Variants in TLE2 observed in about 807,000 individuals in gnomAD.
TLE2 encodes TLE family member 2, transcriptional corepressor.
In TLE2, 74 loss-of-function variants were observed where a neutral mutation model predicts 97.2. The ratio of observed to expected loss-of-function variants is 0.76; its 90% CI spans 0.63 to 0.92. The LOEUF is 0.92. Ranked by LOEUF, TLE2 falls within the 40% of genes least tolerant of loss-of-function variation. TLE2 has a pLI of 0.00. For synonymous variants in TLE2, 499 were observed against 432.1 expected, an observed-to-expected ratio of 1.15 and a Z score of -1.92; for missense variants, 1,038 against 1,008.7, an observed-to-expected ratio of 1.03 and a Z score of -0.39.
At chr19:3,021,371 T>C (rs2089840599) in intron 5 of TLE2, among the ~76,000 whole-genome samples, 1 of 151,254 alleles carries the variant, frequency 6.6e-6, no homozygotes, top group South Asian at 2.1e-4. Flanking sequence ...TGCCATGCAC[T>C]CCCGCCTGGG....
At position 3,000,681 on chromosome 19, in the gene TLE2, G is replaced by A. The variant is rs1295389792; in HGVS notation, c.2090C>T (p.Ala697Val). 6.3e-7 allele frequency: 1 copy of A among 1,594,596 alleles called. No individual in the cohort carries two copies. The highest frequency in any genetic ancestry group is 1.8e-5 in the Admixed American group (1 of 57,040). Residue 697 changes from alanine (A) to valine (V), a missense_variant, in exon 19 of 20, where the codon GCC (alanine) becomes GTC (valine). By Grantham distance (64) the Ala-to-Val change is moderately conservative (BLOSUM62 0). Coordinates refer to ENST00000262953, the MANE Select transcript of TLE2 (RefSeq NM_003260.5). ...GCTGGCCCCGTACGGCGTCCTCCAG[G>A]CGTTGAGCAGGTTGTCCTTCCCGGT... is the stretch of plus-strand genomic sequence containing the variant. The part of the protein sequence containing the change: ...VSTGKDNLLN[A>V]WRTPYGASIF...
chr19:2,998,060 G>A (rs536579627), intron 19 of TLE2, 105 bp from the exon 20 acceptor site: 118 of 723,448 alleles, frequency 1.6e-4, no homozygotes, highest in African/African-American at 1.2e-3. Context: ...GTCAGGACTC[G>A]CCTACAGAGT....
At position 3,019,300 on chromosome 19, in the gene TLE2, T is replaced by A; in HGVS notation, c.533A>T (p.Glu178Val). The A allele has an allele frequency of 6.3e-7, 1 of 1,577,454 alleles. No homozygotes were observed. Among genetic ancestry groups the A allele is most frequent in the Non-Finnish European group, 8.5e-7 (1 of 1,170,108 alleles). Residue 178 changes from glutamate (E) to valine (V), a missense_variant, in exon 7 of 20, where the codon GAG becomes GTG. By Grantham distance (121) the Glu-to-Val change is moderately radical. Coordinates refer to ENST00000262953, the MANE Select transcript of TLE2 (RefSeq NM_003260.5). This position sits in a 1 kb window ranked among gnomAD's most constrained non-coding sequence, Gnocchi z 5.1. ...AAVKEDRAGVEAEGSRVERAP... is the reference protein window; with the variant it reads ...AAVKEDRAGVVAEGSRVERAP... ...CCACTCACCTCTGGACCCCTCGGCC[T>A]CCACGCCCGCACGGTCCTCCTTGAC...
At chr19:3,017,109 T>A (rs927069960) in intron 8 of TLE2, among the ~76,000 whole-genome samples, 3 of 151,854 alleles carry the variant, frequency 2.0e-5, no homozygotes, top group Middle Eastern at 3.4e-3. Flanking sequence ...GAAACCGGGC[T>A]ATGGATCTTG....
intron 5 of TLE2, among the ~76,000 whole-genome samples, chr19:3,021,032 T>C (rs989944492): frequency 7.5e-6 from 1 of 133,462 alleles, no homozygotes; most frequent in Non-Finnish European, 1.5e-5. Flanking sequence ...CAGGTTGCAG[T>C]GAGCCAAGAT....
In TLE2 at chr19:3,028,611, C is replaced by A; in HGVS notation, c.122+95G>T. The A allele has an allele frequency of 4.2e-6, 6 of 1,437,818 alleles. No individual in the cohort carries two copies. The South Asian group carries it at 6.9e-5, about 17-fold the overall frequency. The allele number at this position is 1,437,818 out of a possible 1,614,324, so 89.1% of individuals were successfully genotyped here. Reference sequence around the variant, plus strand: ...GGCCTTTGTCGCGCCCCCCCTCCAACCGGGAGCCCCTCCTCCCCGCCCTAT... The same window carrying A: ...GGCCTTTGTCGCGCCCCCCCTCCAAACGGGAGCCCCTCCTCCCCGCCCTAT... On this transcript the variant is annotated intron_variant, in intron 2 of 19. Transcript: ENST00000262953.
Position 3,013,747 on chromosome 19 carries a change from A to C in TLE2, c.795T>G (p.Arg265=), listed in dbSNP as rs766252607. The change falls in exon 11 of 20, where the codon CGT becomes CGG. Residue 265 remains arginine, a synonymous_variant. Coordinates refer to ENST00000262953, the MANE Select transcript of TLE2 (RefSeq NM_003260.5). ...AGGCTGGACTGTCCACCAGGTCCCG[A>C]CGGGCAGGAATGCAGATGGGTACCT... ...CGKVPICIPA[R]RDLVDSPASL... 6.4e-7 allele frequency: 1 copy of C among 1,562,556 alleles called. No individual in the cohort carries two copies. Among genetic ancestry groups the C allele is most frequent in the East Asian group, 2.5e-5 (1 of 39,312 alleles).
At chr19:3,015,933 T>G in intron 8 of TLE2, 173 bp from the exon 9 acceptor site, 2 of 694,244 alleles carry the variant, frequency 2.9e-6, no homozygotes, top group Non-Finnish European at 5.3e-6. Context: ...GGTTTTGTTC[T>G]CTCTTCTGTT....
chr19:3,029,562 G>GAGGT (rs941304896), upstream of TLE2: 37 of 816,150 alleles, frequency 4.5e-5, 2 homozygotes, highest in South Asian at 4.5e-4. Flanking sequence ...TGGGAGCGGG[G>GAGGT]GGGGGGGCTT....
chr19:2,999,391 C>T (rs2089299705), intron 19 of TLE2, among the ~76,000 whole-genome samples: 1 of 152,034 alleles, frequency 6.6e-6, no homozygotes, highest in Admixed American at 6.6e-5. Context: ...GGTGAGGATG[C>T]AGAGAATTTT....
upstream of TLE2, among the ~76,000 whole-genome samples, chr19:3,033,950 ACACCGCCTCTCCCTCCAGG>A (rs1290230930): frequency 6.6e-6 from 1 of 151,526 alleles, no homozygotes; most frequent in East Asian, 1.9e-4. Flanking sequence ...GGGCTCTGAG[ACACCGCCTCTCCCTCCAGG>A]CTTCAGTGAC....
At chr19:3,020,020 C>T (rs1292745531) in intron 5 of TLE2, 5 of 540,188 alleles carry the variant, frequency 9.3e-6, no homozygotes, top group Non-Finnish European at 1.6e-5. Flanking sequence ...TGGTGGCTCA[C>T]GCCTGGAATC....
intron 1 of TLE2, among the ~76,000 whole-genome samples, chr19:3,034,536 C>G (rs1688118): frequency 0.079 from 11,986 of 151,378 alleles, 556 homozygotes; most frequent in Middle Eastern, 0.13. Flanking sequence ...CCTTTCCCTG[C>G]TTGTTATCTC....
At chr19:3,008,455 C>CT (rs34168841) in intron 14 of TLE2, among the ~76,000 whole-genome samples, 19,827 of 143,372 alleles carry the variant, frequency 0.14, 1,564 homozygotes, top group African/African-American at 0.21. Context: ...TTTCTTTTTT[C>CT]TTTTTTTTTT....
intron 4 of TLE2, 100 bp downstream of exon 4, chr19:3,027,729 C>T: frequency 1.7e-6 from 2 of 1,202,020 alleles, no homozygotes; most frequent in Middle Eastern, 2.0e-4. Flanking sequence ...ACCCGTGTTC[C>T]CTAGGTCTGC....
chr19:3,005,612 T>A lies in TLE2; in HGVS notation c.1749-28A>T, dbSNP rs1400955999. 2.5e-6 allele frequency: 4 copies of A among 1,611,886 alleles called. No individual in the cohort carries two copies. In the African/African-American group the frequency reaches 5.3e-5, roughly 22 times the overall value. ...GGAGGGAGAAGGGCCCAGGCGTCCATCCTGGAATTCGAGCTGCCCCAGCAT... is the reference window on the plus strand; with the variant it reads ...GGAGGGAGAAGGGCCCAGGCGTCCAACCTGGAATTCGAGCTGCCCCAGCAT... On this transcript the variant is annotated intron_variant, in intron 16 of 19. Transcript: ENST00000262953.
upstream of TLE2, among the ~76,000 whole-genome samples, chr19:3,030,357 C>T (rs1266489819): frequency 6.6e-6 from 1 of 152,208 alleles, no homozygotes; most frequent in Non-Finnish European, 1.5e-5. Context: ...CAGCCAGCAT[C>T]CTTCAGGCCC....
chr19:3,000,354 C>T (rs2089328325), intron 19 of TLE2, among the ~76,000 whole-genome samples: 1 of 152,116 alleles, frequency 6.6e-6, no homozygotes, highest in East Asian at 2.0e-4. Context: ...GGATTACAGG[C>T]ATGAGCGACC....
chr19:3,000,689 C>T lies in TLE2; in HGVS notation c.2082G>A (p.Leu694=). ...RWFVSTGKDN[L]LNAWRTPYGA... is the part of the protein sequence containing the mutation. ...CGTACGGCGTCCTCCAGGCGTTGAG[C>T]AGGTTGTCCTTCCCGGTGCTCACAA... Residue 694 remains leucine, a synonymous_variant, in exon 19 of 20, where the codon CTG becomes CTA. Transcript: ENST00000262953. 6.3e-7 allele frequency: 1 copy of T among 1,594,440 alleles called. No homozygotes were observed. The highest frequency in any genetic ancestry group is 1.1e-5 in the South Asian group (1 of 87,578).
Sources: allele counts gnomAD v4.1 joint callset (sites outside exome capture counted in the v4.1 genomes callset), GRCh38; gene constraint gnomAD v4.1.1; non-coding constraint Gnocchi (gnomAD v3.1); transcripts MANE v1.5; gene names NCBI Gene and HGNC (gene_info 2026-07-23, HGNC 2026-07-21).